The following HORMAD2 variants were observed in gnomAD, a reference collection of about 807,000 sequenced individuals.
The protein encoded by HORMAD2 is HORMA domain-containing protein 2.
Under a neutral mutation model 38.8 loss-of-function variants are expected in HORMAD2, and 45 were observed. The ratio of observed to expected loss-of-function variants is 1.16; its 90% CI spans 0.91 to 1.49. The LOEUF is 1.49. Ranked by LOEUF, HORMAD2 falls within the 40% of genes most tolerant of loss-of-function variation. The pLI is 0.00. For missense variants in HORMAD2, 338 were observed against 367.0 expected, an observed-to-expected ratio of 0.92 and a Z score of 0.65; for synonymous variants, 126 against 122.8, an observed-to-expected ratio of 1.03 and a Z score of -0.17.
At chr22:30,162,445 C>T (rs547896838) in intron 10 of HORMAD2, among the ~76,000 whole-genome samples, 6 of 152,042 alleles carry the variant, frequency 3.9e-5, no homozygotes, top group African/African-American at 7.2e-5. Context: ...ATAAAATATA[C>T]GCTGGATTGT....
chr22:30,168,009 A>G (rs973950667), intron 10 of HORMAD2, among the ~76,000 whole-genome samples: 3 of 152,190 alleles, frequency 2.0e-5, no homozygotes, highest in Admixed American at 2.0e-4. Context: ...ATGACATAAC[A>G]TATGTGATTT....
chr22:30,158,928 G>A (rs1210963959), intron 10 of HORMAD2, among the ~76,000 whole-genome samples: 2 of 151,948 alleles, frequency 1.3e-5, no homozygotes, highest in Admixed American at 1.3e-4. Flanking sequence ...CAAGCAATCT[G>A]CACACCTCGG....
chr22:30,081,743 A>AT (rs1471717094), intron 1 of HORMAD2, among the ~76,000 whole-genome samples: 2 of 151,504 alleles, frequency 1.3e-5, no homozygotes, highest in Non-Finnish European at 2.9e-5. Flanking sequence ...GCCCAGCTAA[A>AT]TTTTTTTATT....
In HORMAD2 at chr22:30,176,066, C is replaced by A; in HGVS notation, c.823C>A (p.Gln275Lys). The A allele has an allele frequency of 6.2e-7, 1 of 1,608,390 alleles. No homozygotes were observed. The highest frequency in any genetic ancestry group is 1.1e-5 in the South Asian group (1 of 90,958). Reference protein sequence around the residue: ...DEEEECNDHIQRMNFVCSQQS... With the variant: ...DEEEECNDHIKRMNFVCSQQS... ...CTCTCTCTGGTGATTCTCACAGATT[C>A]AAAGAATGAATTTTGTGTGCAGTCA... The change falls in exon 11 of 11, where the codon CAA becomes AAA. Residue 275 changes from glutamine to lysine, a missense_variant. Physicochemically the swap from Gln to Lys is moderately conservative, Grantham distance 53 (BLOSUM62 1). Coordinates refer to ENST00000336726, the MANE Select transcript of HORMAD2 (RefSeq NM_152510.4).
At chr22:30,111,878 G>A in intron 6 of HORMAD2, 62 bp downstream of exon 6, 1 of 1,343,778 alleles carries the variant, frequency 7.4e-7, no homozygotes, top group Non-Finnish European at 1.0e-6. Flanking sequence ...TTTGGCAAGT[G>A]AAACATTAAA....
At chr22:30,121,305 C>G (rs1922410076) in intron 8 of HORMAD2, among the ~76,000 whole-genome samples, 1 of 152,184 alleles carries the variant, frequency 6.6e-6, no homozygotes, top group South Asian at 2.1e-4. Context: ...CAAGGTCATT[C>G]AGCTAGTTAT....
At chr22:30,130,589 T>TC (rs1464846915) in intron 10 of HORMAD2, among the ~76,000 whole-genome samples, 1 of 134,260 alleles carries the variant, frequency 7.4e-6, no homozygotes, top group Non-Finnish European at 1.6e-5. Context: ...TTCTTTTCTT[T>TC]TTTTTTTTTT....
the HORMAD2 span, chr22:30,184,855 T>C: frequency 1.3e-5 from 2 of 152,246 alleles, no homozygotes; most frequent in African/African-American, 4.8e-5. Flanking sequence ...TGCTGGCAAC[T>C]GGCAAACCAC....
chr22:30,170,377 T>A (rs1369044118), intron 10 of HORMAD2, among the ~76,000 whole-genome samples: 2 of 152,184 alleles, frequency 1.3e-5, no homozygotes, highest in Admixed American at 6.5e-5. Context: ...TGCCCTGAAC[T>A]GCCTTTCCTG....
At chr22:30,082,182 A>G (rs2068492295) in intron 1 of HORMAD2, among the ~76,000 whole-genome samples, 1 of 152,144 alleles carries the variant, frequency 6.6e-6, no homozygotes, top group South Asian at 2.1e-4. Context: ...TCTTAACAAC[A>G]TGCATGTGTA....
the HORMAD2 span, among the ~76,000 whole-genome samples, chr22:30,203,426 C>T: frequency 6.7e-6 from 1 of 150,270 alleles, no homozygotes; most frequent in Non-Finnish European, 1.5e-5. Context: ...GTCATTGGTG[C>T]TTGGAAATGC....
chr22:30,121,491 C>T (rs1922426067), intron 8 of HORMAD2, 141 bp from the exon 9 acceptor site: 5 of 585,580 alleles, frequency 8.5e-6, no homozygotes, highest in Non-Finnish European at 1.4e-5. Flanking sequence ...ACCATCGCTC[C>T]CCTAATTTAC....
At chr22:30,109,973 A>G (rs1356660052) in intron 5 of HORMAD2, among the ~76,000 whole-genome samples, 1 of 152,156 alleles carries the variant, frequency 6.6e-6, no homozygotes, top group African/African-American at 2.4e-5. Flanking sequence ...TCTCACTTGA[A>G]TGAGTGAATA....
chr22:30,202,614 C>T, the HORMAD2 span, among the ~76,000 whole-genome samples: 38 of 152,152 alleles, frequency 2.5e-4, no homozygotes, highest in African/African-American at 8.0e-4. Flanking sequence ...CTCAGCCTTA[C>T]CCCACCCAGC....
chr22:30,096,226 A>G (rs1380371916), intron 2 of HORMAD2, among the ~76,000 whole-genome samples: 1 of 152,202 alleles, frequency 6.6e-6, no homozygotes, highest in African/African-American at 2.4e-5. Context: ...GTCTATTACA[A>G]TAATGCTTTT....
chr22:30,091,425 C>A (rs1255683835), intron 1 of HORMAD2, among the ~76,000 whole-genome samples: 1 of 151,768 alleles, frequency 6.6e-6, no homozygotes, highest in African/African-American at 2.4e-5. Context: ...GCCACCACAC[C>A]CAGCTAATTT....
intron 1 of HORMAD2, among the ~76,000 whole-genome samples, chr22:30,086,801 G>A (rs988153346): frequency 6.6e-6 from 1 of 151,748 alleles, no homozygotes; most frequent in African/African-American, 2.4e-5. Flanking sequence ...ATATATATAT[G>A]TATGTGCAGG....
chr22:30,078,607 C>CAAAAAAAAAAAAAAAAAAAAAA (rs55966787), upstream of HORMAD2, among the ~76,000 whole-genome samples: 2 of 28,104 alleles, frequency 7.1e-5, no homozygotes, highest in African/African-American at 3.0e-4. Context: ...CTCTGTCTCA[C>CAAAAAAAAAAAAAAAAAAAAAA]AAAAAAAAAA....
intron 5 of HORMAD2, among the ~76,000 whole-genome samples, chr22:30,106,883 G>A (rs1316926233): frequency 6.6e-6 from 1 of 152,158 alleles, no homozygotes; most frequent in East Asian, 1.9e-4. Flanking sequence ...TCACCTGGAG[G>A]ACTTGTTAAA....
Sources: gnomAD v4.1 joint callset for allele counts (sites outside exome capture counted in the v4.1 genomes callset) on GRCh38, gnomAD v4.1.1 for gene constraint, MANE v1.5 for transcripts, NCBI Gene and HGNC (gene_info 2026-07-23, HGNC 2026-07-21) for gene names.